The following ST8SIA6 variants were observed in gnomAD, a reference collection of about 807,000 sequenced individuals.
ST8SIA6 encodes the protein alpha-2,8-sialyltransferase 8F.
Under a neutral mutation model 33.6 loss-of-function variants are expected in ST8SIA6, and 39 were observed. The observed-to-expected ratio is 1.16, with a 90% CI of 0.90 to 1.52. The LOEUF (loss-of-function observed/expected upper bound fraction) is 1.52. Ranked by LOEUF, ST8SIA6 falls within the 40% of genes most tolerant of loss-of-function variation. The pLI, the probability that ST8SIA6 is intolerant of heterozygous loss-of-function variation, is 0.00. For synonymous variants in ST8SIA6, 172 were observed against 167.2 expected (o/e 1.03, Z -0.22); for missense variants, 441 against 443.8 (o/e 0.99, Z 0.06).
chr10:17,417,360 C>T (rs939095370), intron 2 of ST8SIA6, among the ~76,000 whole-genome samples: 2 of 152,124 alleles, frequency 1.3e-5, no homozygotes, highest in Non-Finnish European at 2.9e-5. Flanking sequence ...TATCACCCTC[C>T]ATGATCCATT....
At chr10:17,332,795 T>C (rs915153723) in intron 4 of ST8SIA6, among the ~76,000 whole-genome samples, 1 of 152,230 alleles carries the variant, frequency 6.6e-6, no homozygotes, top group African/African-American at 2.4e-5. Flanking sequence ...GGTTTTGAAT[T>C]GCATTTCTCT....
intron 4 of ST8SIA6, among the ~76,000 whole-genome samples, chr10:17,333,511 C>A (rs113655757): frequency 2.0e-5 from 3 of 151,078 alleles, no homozygotes; most frequent in African/African-American, 7.3e-5. Flanking sequence ...GCTACAGTAA[C>A]CAAAACAGCG....
chr10:17,405,653 G>T (rs1206029441), intron 2 of ST8SIA6, among the ~76,000 whole-genome samples: 1 of 150,784 alleles, frequency 6.6e-6, no homozygotes, highest in Non-Finnish European at 1.5e-5. Flanking sequence ...GGAGGCCGAG[G>T]TGGGCATTTC....
At chr10:17,327,168 T>C (rs1329759326) in intron 5 of ST8SIA6, 42 bp from the exon 6 acceptor site, 1 of 1,458,750 alleles carries the variant, frequency 6.9e-7, no homozygotes, top group Non-Finnish European at 9.5e-7. Flanking sequence ...ATACCGTTAA[T>C]TTTAGAACCA....
chr10:17,406,671 G>A (rs1851274521), intron 2 of ST8SIA6, among the ~76,000 whole-genome samples: 1 of 152,100 alleles, frequency 6.6e-6, no homozygotes, highest in Admixed American at 6.6e-5. Flanking sequence ...TCTTAAGGCA[G>A]CACTTCTTCA....
At chr10:17,442,427 C>T (rs1275150720) in intron 2 of ST8SIA6, among the ~76,000 whole-genome samples, 2 of 152,200 alleles carry the variant, frequency 1.3e-5, no homozygotes, top group Non-Finnish European at 2.9e-5. Context: ...GATTGTCTAG[C>T]AGCAGCCCAG....
At chr10:17,351,047 T>C (rs1477179929) in intron 4 of ST8SIA6, among the ~76,000 whole-genome samples, 1 of 152,102 alleles carries the variant, frequency 6.6e-6, no homozygotes, top group Non-Finnish European at 1.5e-5. Flanking sequence ...AGAAGCCTCA[T>C]TTCATCATCT....
At position 17,434,994 on chromosome 10, in the gene ST8SIA6, G is replaced by A. The variant is rs141878089; in HGVS notation, c.200+18565C>T. Among the ~76,000 whole-genome samples the A allele has an allele frequency of 3.8e-3, 574 of 152,298 alleles. 4 individuals are homozygous for A. Among genetic ancestry groups the A allele is most frequent in the African/African-American group, 0.011 (461 of 41,564 alleles). On this transcript the variant is annotated intron_variant, in intron 2 of 7. Coordinates refer to ENST00000377602, the MANE Select transcript of ST8SIA6 (RefSeq NM_001004470.3). ...GATTCGGCAAGGACTCCCATGCTGA[G>A]AAAGCTCTCCAGGTTATTTTCAAAA...
At chr10:17,336,643 A>G (rs1330907772) in intron 4 of ST8SIA6, among the ~76,000 whole-genome samples, 1 of 148,154 alleles carries the variant, frequency 6.7e-6, no homozygotes, top group African/African-American at 2.5e-5. Flanking sequence ...ACCCAGGCTG[A>G]AGTGCAGTGG....
At chr10:17,453,873 G>A (rs987574617) in intron 1 of ST8SIA6, among the ~76,000 whole-genome samples, 1 of 152,142 alleles carries the variant, frequency 6.6e-6, no homozygotes, top group African/African-American at 2.4e-5. Flanking sequence ...GGAACCCGAC[G>A]GCAGGTCCCG....
chr10:17,395,332 A>G (rs1162717810), intron 2 of ST8SIA6, among the ~76,000 whole-genome samples: 3 of 152,196 alleles, frequency 2.0e-5, no homozygotes, highest in East Asian at 3.9e-4. Flanking sequence ...ATCCTGCTGC[A>G]GGAGAACTCC....
At chr10:17,429,714 G>A (rs1409960393) in intron 2 of ST8SIA6, among the ~76,000 whole-genome samples, 2 of 152,044 alleles carry the variant, frequency 1.3e-5, no homozygotes, top group Non-Finnish European at 2.9e-5. Context: ...TGAACTCCTA[G>A]GCTCAAGCGA....
chr10:17,360,911 A>AAGAAG (rs1184527815), intron 3 of ST8SIA6, among the ~76,000 whole-genome samples: 1 of 98,768 alleles, frequency 1.0e-5, no homozygotes, highest in Non-Finnish European at 2.0e-5. Flanking sequence ...GAAGAAGAAG[A>AAGAAG]GGAAGAAGGG....
At chr10:17,411,840 G>A (rs535277343) in intron 2 of ST8SIA6, among the ~76,000 whole-genome samples, 16 of 152,192 alleles carry the variant, frequency 1.1e-4, no homozygotes, top group African/African-American at 3.4e-4. Flanking sequence ...ATCATGCATG[G>A]CAATGAGTTC....
intron 2 of ST8SIA6, among the ~76,000 whole-genome samples, chr10:17,445,816 C>G (rs1852686434): frequency 6.6e-6 from 1 of 152,188 alleles, no homozygotes; most frequent in African/African-American, 2.4e-5. Flanking sequence ...GTGGTGGATA[C>G]TGGGACAGCC....
chr10:17,407,232 CAT>C (rs1851298955), intron 2 of ST8SIA6, among the ~76,000 whole-genome samples: 1 of 152,190 alleles, frequency 6.6e-6, no homozygotes, highest in South Asian at 2.1e-4. Flanking sequence ...AACACTCTGA[CAT>C]ATATGTCACC....
intron 4 of ST8SIA6, among the ~76,000 whole-genome samples, chr10:17,336,651 T>C (rs1046895336): frequency 6.7e-6 from 1 of 149,988 alleles, no homozygotes; most frequent in Non-Finnish European, 1.5e-5. Context: ...TGAAGTGCAG[T>C]GGCCCGATCT....
At chr10:17,372,115 G>A (rs1181451599) in intron 3 of ST8SIA6, among the ~76,000 whole-genome samples, 6 of 152,150 alleles carry the variant, frequency 3.9e-5, no homozygotes, top group African/African-American at 1.4e-4. Context: ...AATGTCCAAA[G>A]CTTTCAGACA....
chr10:17,436,717 G>T (rs1391077073), intron 2 of ST8SIA6, among the ~76,000 whole-genome samples: 1 of 151,636 alleles, frequency 6.6e-6, no homozygotes, highest in Non-Finnish European at 1.5e-5. Context: ...ATTTTTTATG[G>T]CTGCATAGTA....
Sources: allele counts gnomAD v4.1 joint callset (sites outside exome capture counted in the v4.1 genomes callset), GRCh38; gene constraint gnomAD v4.1.1; transcripts MANE v1.5; gene names NCBI Gene and HGNC (gene_info 2026-07-23, HGNC 2026-07-21).